GNAQ: variants seen among roughly 807,000 people sequenced by gnomAD.
GNAQ encodes G protein subunit alpha q, also known as guanine nucleotide-binding protein G(q) subunit alpha.
GNAQ carries 8 observed loss-of-function variants against 43.9 expected under a neutral mutation model. That is an observed-to-expected ratio of 0.18 (90% CI 0.11 to 0.33). The LOEUF (loss-of-function observed/expected upper bound fraction) is 0.33, where lower values mean the gene tolerates loss of function less well. Ranked by LOEUF, GNAQ falls within the 10% of genes least tolerant of loss-of-function variation. The pLI, the probability that GNAQ is intolerant of heterozygous loss-of-function variation, is 1.00. For synonymous variants in GNAQ, 155 were observed against 170.7 expected, an observed-to-expected ratio of 0.91 and a Z score of 0.71; for missense variants, 158 against 450.8, an observed-to-expected ratio of 0.35 and a Z score of 5.88.
chr9:77,916,061 T>C (rs2118244143), intron 2 of GNAQ, among the ~76,000 whole-genome samples: 1 of 152,274 alleles, frequency 6.6e-6, no homozygotes, highest in Admixed American at 6.5e-5. Flanking sequence ...TGACAGAAGA[T>C]TGGAAATGGC....
intron 1 of GNAQ, among the ~76,000 whole-genome samples, chr9:77,973,301 A>T (rs576925603): frequency 6.6e-6 from 1 of 152,322 alleles, no homozygotes; most frequent in Non-Finnish European, 1.5e-5. Flanking sequence ...AAGGCTCCCC[A>T]GTCCTTGTCC....
rs539784712 is a variant in GNAQ, at chr9:77,895,111, T to C, written c.321+27050A>G. ...TGCTTGGGAGGATGAGGCAGGAGAA[T>C]GGCATGAACCCGGGAGGTGGAGCTT... is the stretch of plus-strand genomic sequence containing the variant. On this transcript the variant is annotated intron_variant, in intron 2 of 6. Transcript: ENST00000286548. 3.4e-5 allele frequency among the ~76,000 whole-genome samples: 5 copies of C among 147,176 alleles called. No individual in the cohort carries two copies. In the South Asian group the frequency reaches 8.6e-4, roughly 25 times the overall value.
chr9:77,863,079 CAGG>C lies in GNAQ; in HGVS notation c.322-47312_322-47310del, dbSNP rs1434031739. Among the ~76,000 whole-genome samples, 6 of 152,060 alleles carry C rather than the reference CAGG, an allele frequency of 3.9e-5. No individual in the cohort carries two copies. In the East Asian group the frequency reaches 9.7e-4, roughly 24 times the overall value. ...ATCCCAGCTACTTGGGAGGCAGAGG[CAGG>C]AGAATTGCTTGAACCCGGGAGGCAG... On this transcript the variant is annotated intron_variant, in intron 2 of 6. Coordinates refer to ENST00000286548, the MANE Select transcript of GNAQ (RefSeq NM_002072.5).
At chr9:77,927,489 C>T (rs1829086109) in intron 1 of GNAQ, among the ~76,000 whole-genome samples, 1 of 151,978 alleles carries the variant, frequency 6.6e-6, no homozygotes, top group African/African-American at 2.4e-5. Context: ...ATGGTGGTGC[C>T]CATTTCCATA....
chr9:77,794,403 A>G lies in GNAQ; in HGVS notation c.735+60T>C, dbSNP rs866087302. The G allele has an allele frequency of 1.8e-5, 22 of 1,196,908 alleles. No homozygotes were observed. In the Middle Eastern group the frequency reaches 2.1e-3, roughly 114 times the overall value. The allele number at this position is 1,196,908 out of a possible 1,614,324, so 74.1% of individuals were successfully genotyped here. On this transcript the variant is annotated intron_variant, in intron 5 of 6. Coordinates refer to ENST00000286548, the MANE Select transcript of GNAQ (RefSeq NM_002072.5). ...CTCCATTCCCCACACCCTACTTTCTATCATTTACTTGTATCAGATAATAAA... is the reference window on the plus strand; with the variant it reads ...CTCCATTCCCCACACCCTACTTTCTGTCATTTACTTGTATCAGATAATAAA...
At chr9:77,858,286 T>C (rs2117961802) in intron 2 of GNAQ, among the ~76,000 whole-genome samples, 1 of 152,236 alleles carries the variant, frequency 6.6e-6, no homozygotes, top group Admixed American at 6.5e-5. Context: ...TTTGACCACA[T>C]AACCTGGGAG....
intron 1 of GNAQ, among the ~76,000 whole-genome samples, chr9:78,024,111 C>A (rs976514683): frequency 6.6e-6 from 1 of 152,162 alleles, no homozygotes; most frequent in Non-Finnish European, 1.5e-5. Flanking sequence ...TTTCAAAGAA[C>A]TTGTGTGTGT....
chr9:77,781,264 C>T (rs1826388786), intron 5 of GNAQ, among the ~76,000 whole-genome samples: 1 of 151,874 alleles, frequency 6.6e-6, no homozygotes. Flanking sequence ...CGTTGATTTT[C>T]GTAAAGGGTG....
intron 3 of GNAQ, among the ~76,000 whole-genome samples, chr9:77,800,066 T>A (rs1472110406): frequency 1.3e-5 from 2 of 152,214 alleles, no homozygotes; most frequent in African/African-American, 4.8e-5. Flanking sequence ...TTCACTCTAC[T>A]GATAAACCAG....
intron 2 of GNAQ, among the ~76,000 whole-genome samples, chr9:77,903,329 TA>T (rs1828641991): frequency 1.3e-5 from 2 of 152,206 alleles, no homozygotes; most frequent in African/African-American, 4.8e-5. Context: ...TGTTGGACGC[TA>T]GAGATGCCTC....
chr9:77,720,422 G>C lies in GNAQ; in HGVS notation c.*901C>G, dbSNP rs576277298. The C allele has an allele frequency of 8.6e-6, 2 of 233,356 alleles. No homozygotes were observed. The highest frequency in any genetic ancestry group is 1.7e-5 in the Non-Finnish European group (2 of 117,966). The allele number at this position is 233,356 out of a possible 1,614,324, so 14.5% of individuals were successfully genotyped here. A position where few individuals can be genotyped will look rare whatever the true frequency, so the allele number is the denominator to read the frequency against. On this transcript the variant is annotated 3_prime_UTR_variant, in exon 7 of 7. Transcript: ENST00000286548. ...TGAACAACAACAACAAAAAAATTAA[G>C]AACAACCTATAAAAAGGTTCTGGGT...
chr9:78,021,655 C>T (rs1823910590), intron 1 of GNAQ, among the ~76,000 whole-genome samples: 1 of 152,198 alleles, frequency 6.6e-6, no homozygotes, highest in African/African-American at 2.4e-5. Context: ...ATTCCCAGTG[C>T]TCAGGCTCAT....
At position 77,856,639 on chromosome 9, in the gene GNAQ, A is replaced by C. The variant is rs1827759982; in HGVS notation, c.322-40869T>G. On this transcript the variant is annotated intron_variant, in intron 2 of 6. Coordinates refer to ENST00000286548, the MANE Select transcript of GNAQ (RefSeq NM_002072.5). ...TTCAACATGACTATAGCAGAAGAGA[A>C]AAGACTGAGAAAGACTACCTAGCAA... 5.3e-5 allele frequency among the ~76,000 whole-genome samples: 8 copies of C among 152,344 alleles called. No individual in the cohort carries two copies. In the South Asian group the frequency reaches 1.7e-3, roughly 32 times the overall value.
chr9:77,984,049 C>CAAAAAAAAAAAAAAA (rs72279886), intron 1 of GNAQ, among the ~76,000 whole-genome samples: 3 of 67,964 alleles, frequency 4.4e-5, no homozygotes, highest in African/African-American at 1.1e-4. Flanking sequence ...TTTTGGAGAG[C>CAAAAAAAAAAAAAAA]AAAAAAAAAA....
intron 1 of GNAQ, among the ~76,000 whole-genome samples, chr9:77,947,684 T>C (rs1822921108): frequency 6.6e-6 from 1 of 152,232 alleles, no homozygotes; most frequent in South Asian, 2.1e-4. Context: ...TTTAGAACAG[T>C]GCTTCTGAAG....
chr9:78,029,433 G>T lies in GNAQ; in HGVS notation c.136+1667C>A, dbSNP rs149262590. 1.1e-3 allele frequency among the ~76,000 whole-genome samples: 171 copies of T among 151,478 alleles called. 1 individual carries two copies. Among genetic ancestry groups the T allele is most frequent in the African/African-American group, 3.9e-3 (162 of 41,256 alleles). On this transcript the variant is annotated intron_variant, in intron 1 of 6. Transcript: ENST00000286548. ...GAACTCAGAAAACATTCAACTGCCT[G>T]TTTTCAGCCACTAGAAGTAGCTCAA...
chr9:77,761,975 C>T (rs1417615098), intron 5 of GNAQ, among the ~76,000 whole-genome samples: 48 of 134,450 alleles, frequency 3.6e-4, no homozygotes, highest in African/African-American at 1.2e-3. Flanking sequence ...CCCGGCCAGC[C>T]GCCCCGTCCG....
At chr9:78,021,803 G>GA (rs1350078339) in intron 1 of GNAQ, among the ~76,000 whole-genome samples, 2 of 152,150 alleles carry the variant, frequency 1.3e-5, no homozygotes, top group Non-Finnish European at 2.9e-5. Context: ...GCCCAATGAA[G>GA]AAAAAACAAA....
At chr9:78,029,827 A>T (rs1824027416) in intron 1 of GNAQ, among the ~76,000 whole-genome samples, 1 of 152,228 alleles carries the variant, frequency 6.6e-6, no homozygotes, top group Admixed American at 6.5e-5. Context: ...TTCTTACAGA[A>T]ATGTTTGAGA....
Sources: allele counts gnomAD v4.1 joint callset (sites outside exome capture counted in the v4.1 genomes callset), GRCh38; gene constraint gnomAD v4.1.1; transcripts MANE v1.5; gene names NCBI Gene and HGNC (gene_info 2026-07-23, HGNC 2026-07-21).